Variants in INPP4A observed in about 807,000 individuals in gnomAD.
INPP4A encodes inositol polyphosphate-4-phosphatase, type I, 107kD.
In INPP4A, 33 loss-of-function variants were observed where a neutral mutation model predicts 119.8. The ratio of observed to expected loss-of-function variants is 0.28; its 90% CI spans 0.21 to 0.37. INPP4A has a LOEUF of 0.37. Ranked by LOEUF, INPP4A falls within the 10% of genes least tolerant of loss-of-function variation. INPP4A has a pLI of 1.00. For missense variants in INPP4A, 956 were observed against 1,289.9 expected (o/e 0.74, Z 3.97); for synonymous variants, 496 against 500.7 (o/e 0.99, Z 0.12).
At chr2:98,482,228 T>C (rs1678614395) in intron 1 of INPP4A, among the ~76,000 whole-genome samples, 1 of 152,280 alleles carries the variant, frequency 6.6e-6, no homozygotes, top group Admixed American at 6.5e-5. Context: ...TGTATCCTGC[T>C]TTTTTCCTCT....
At chr2:98,483,514 C>T (rs1389473983) in intron 1 of INPP4A, among the ~76,000 whole-genome samples, 1 of 152,130 alleles carries the variant, frequency 6.6e-6, no homozygotes. Flanking sequence ...TCTTGTCTTT[C>T]TAATGTCTTG....
intron 17 of INPP4A, among the ~76,000 whole-genome samples, chr2:98,561,937 A>G (rs1267485377): frequency 6.6e-6 from 1 of 152,226 alleles, no homozygotes; most frequent in Non-Finnish European, 1.5e-5. Flanking sequence ...CAAAGAAACA[A>G]AAACATGGTC....
At chr2:98,493,979 G>A (rs540179363) in intron 1 of INPP4A, among the ~76,000 whole-genome samples, 11 of 152,116 alleles carry the variant, frequency 7.2e-5, no homozygotes, top group African/African-American at 1.7e-4. Context: ...GAAATTTGCC[G>A]TATATCCTAA....
At chr2:98,486,035 G>T (rs1679469236) in intron 1 of INPP4A, among the ~76,000 whole-genome samples, 1 of 152,212 alleles carries the variant, frequency 6.6e-6, no homozygotes, top group Non-Finnish European at 1.5e-5. Flanking sequence ...CCTTCAGTGG[G>T]AGATTTGCCA....
At chr2:98,512,067 C>T (rs1685212551) in intron 1 of INPP4A, among the ~76,000 whole-genome samples, 1 of 152,204 alleles carries the variant, frequency 6.6e-6, no homozygotes, top group Admixed American at 6.5e-5. Flanking sequence ...CTGTGGGGGC[C>T]AGCCTCAGGG....
Position 98,565,715 on chromosome 2 carries a change from A to G in INPP4A, c.2228A>G (p.Gln743Arg). 1 of 1,613,604 alleles carries G rather than the reference A, an allele frequency of 6.2e-7. No homozygotes were observed. Among genetic ancestry groups the G allele is most frequent in the Non-Finnish European group, 8.5e-7 (1 of 1,179,694 alleles). The change falls in exon 20 of 25, where the codon CAG becomes CGG. Residue 743 changes from glutamine to arginine, a missense_variant. Physicochemically the swap from Gln to Arg is conservative, Grantham distance 43. Coordinates refer to ENST00000409851, the MANE Select transcript of INPP4A (RefSeq NM_001134225.2). ...DLRNVTFKVTQATSSASADML... is the reference protein window; with the variant it reads ...DLRNVTFKVTRATSSASADML... The stretch of plus-strand genomic sequence containing the variant: ...AGGAACGTGACCTTCAAAGTCACTC[A>G]GGCCACTTCCAGCGCCTCCGCAGAC...
intron 1 of INPP4A, among the ~76,000 whole-genome samples, chr2:98,499,851 T>C (rs1397567391): frequency 6.6e-6 from 1 of 152,206 alleles, no homozygotes. Context: ...CTTGGCTAGA[T>C]TGACGGCCTT....
At chr2:98,451,366 G>A (rs1695195696) in intron 1 of INPP4A, among the ~76,000 whole-genome samples, 1 of 152,122 alleles carries the variant, frequency 6.6e-6, no homozygotes, top group Admixed American at 6.5e-5. Flanking sequence ...GGGGGATCAT[G>A]CTCTGGTGAG....
Position 98,554,228 on chromosome 2 carries a change from C to A in INPP4A, c.1348-43C>A. ...GAGATAAGGCAGGGGCCTCCCCAGC[C>A]CCTGGCCTGGGCTCAGCAGCCTTGG... is the stretch of plus-strand genomic sequence containing the variant. On this transcript the variant is annotated intron_variant, in intron 14 of 24. Transcript: ENST00000409851. This position sits in a 1 kb window ranked among gnomAD's most constrained non-coding sequence, Gnocchi z 4.7. 6.6e-7 allele frequency: 1 copy of A among 1,504,298 alleles called. No individual in the cohort carries two copies. The highest frequency in any genetic ancestry group is 9.0e-7 in the Non-Finnish European group (1 of 1,105,746). 93.2% of individuals were successfully genotyped at this position (1,504,298 alleles called of 1,614,324 possible).
At chr2:98,506,628 CT>C (rs553784989) in intron 1 of INPP4A, among the ~76,000 whole-genome samples, 98 of 152,344 alleles carry the variant, frequency 6.4e-4, no homozygotes, top group African/African-American at 2.2e-3. Context: ...TGGTCTCCTC[CT>C]CTCTTGACCC....
intron 1 of INPP4A, among the ~76,000 whole-genome samples, chr2:98,474,253 T>C (rs576542186): frequency 2.0e-5 from 3 of 152,324 alleles, no homozygotes; most frequent in African/African-American, 7.2e-5. Context: ...GGTTTTGGTG[T>C]CCATGGTGCA....
chr2:98,461,934 G>A (rs376801686), intron 1 of INPP4A, among the ~76,000 whole-genome samples: 10 of 152,196 alleles, frequency 6.6e-5, no homozygotes, highest in South Asian at 4.1e-4. Flanking sequence ...ACACTAATAC[G>A]TTAGTTTTGT....
chr2:98,453,979 C>T (rs1031910890), intron 1 of INPP4A, among the ~76,000 whole-genome samples: 2 of 152,128 alleles, frequency 1.3e-5, no homozygotes, highest in African/African-American at 2.4e-5. Flanking sequence ...TGGTGGTGCA[C>T]ACCTGTAATC....
Position 98,565,624 on chromosome 2 carries a change from CCTCT to C in INPP4A, c.2153-12_2153-9del, listed in dbSNP as rs1559087210. On this transcript the variant is annotated splice_polypyrimidine_tract_variant and intron_variant, in intron 19 of 24. Coordinates refer to ENST00000409851, the MANE Select transcript of INPP4A (RefSeq NM_001134225.2). The stretch of plus-strand genomic sequence containing the variant: ...GGGCCCTCTGCCTGACAGCCCTGCC[CCTCT>C]CTCATGTCCAGGGGAGGAGCTGGCA... The C allele has an allele frequency of 6.3e-7, 1 of 1,595,770 alleles. No homozygotes were observed. Among genetic ancestry groups the C allele is most frequent in the Admixed American group, 1.7e-5 (1 of 58,620 alleles).
intron 1 of INPP4A, among the ~76,000 whole-genome samples, chr2:98,502,903 T>C (rs1328360807): frequency 6.6e-6 from 1 of 152,204 alleles, no homozygotes; most frequent in African/African-American, 2.4e-5. Context: ...TTTGTTGTTT[T>C]TGAGTTATTG....
intron 1 of INPP4A, among the ~76,000 whole-genome samples, chr2:98,485,693 T>A (rs1453830990): frequency 6.6e-6 from 1 of 152,248 alleles, no homozygotes; most frequent in African/African-American, 2.4e-5. Flanking sequence ...GAAAGTATTT[T>A]GATTTTTAAA....
intron 1 of INPP4A, among the ~76,000 whole-genome samples, chr2:98,478,751 G>A (rs894422947): frequency 6.6e-5 from 10 of 152,204 alleles, no homozygotes; most frequent in Non-Finnish European, 1.5e-4. Flanking sequence ...TTGCAGGTAT[G>A]TGTCTGTCCT....
intron 24 of INPP4A, chr2:98,581,685 A>G: frequency 1.2e-6 from 2 of 1,611,754 alleles, no homozygotes; most frequent in Non-Finnish European, 1.7e-6. Flanking sequence ...ATTAGCTCTG[A>G]GCCCCAATTT....
rs772803601 is a variant in INPP4A, at chr2:98,520,117, C to T, written c.69C>T (p.Ile23=). 6 of 1,568,108 alleles carry T rather than the reference C, an allele frequency of 3.8e-6. No individual in the cohort carries two copies. Among genetic ancestry groups the T allele is most frequent in the Non-Finnish European group, 2.6e-6 (3 of 1,155,512 alleles). ...RARAMQRAST[I]DVAADMLGLS... is the part of the protein sequence containing the mutation. The stretch of plus-strand genomic sequence containing the variant: ...GTGCAATGCAGCGGGCTTCCACCAT[C>T]GACGTGGCGGCCGACATGCTGGGCC... The change falls in exon 3 of 25, where the codon ATC becomes ATT. Residue 23 remains isoleucine (I), a synonymous_variant. Transcript: ENST00000409851.
Sources: gnomAD v4.1 joint callset for allele counts (sites outside exome capture counted in the v4.1 genomes callset) on GRCh38, gnomAD v4.1.1 for gene constraint, Gnocchi (gnomAD v3.1) non-coding constraint, MANE v1.5 for transcripts, NCBI Gene and HGNC (gene_info 2026-07-23, HGNC 2026-07-21) for gene names.